Variants in WNK2 observed in about 807,000 individuals in gnomAD.
WNK2 encodes the protein serine/threonine-protein kinase WNK2.
WNK2 carries 67 observed loss-of-function variants against 192.1 expected under a neutral mutation model. The observed-to-expected ratio is 0.35, with a 90% CI of 0.29 to 0.43. The LOEUF is 0.43. Among genes scored for constraint, WNK2 ranks in the 20% least tolerant of loss-of-function variants. The probability of loss-of-function intolerance (pLI) is 1.00; values close to 1 mark genes in which losing one functional copy is unlikely to be tolerated. For missense variants in WNK2, 2,698 were observed against 3,089.7 expected (o/e 0.87, Z 3.01); for synonymous variants, 1,439 against 1,393.9 (o/e 1.03, Z -0.72).
chr9:93,231,147 G>A (rs7032194), intron 4 of WNK2, 39 bp downstream of exon 4: 5 of 1,590,038 alleles, frequency 3.1e-6, no homozygotes, highest in East Asian at 4.5e-5. Context: ...TGGAGCCCAT[G>A]AGAAGCTGGG....
intron 2 of WNK2, among the ~76,000 whole-genome samples, chr9:93,196,033 G>A (rs2131113108): frequency 6.6e-6 from 1 of 152,318 alleles, no homozygotes; most frequent in African/African-American, 2.4e-5. Flanking sequence ...AGGCATTGCT[G>A]TTGAGGAACT....
intron 7 of WNK2, among the ~76,000 whole-genome samples, chr9:93,241,422 G>T (rs1016906413): frequency 9.9e-5 from 15 of 152,206 alleles, no homozygotes; most frequent in African/African-American, 3.6e-4. Flanking sequence ...GACCACAGAG[G>T]TGCTCGCTGT....
At chr9:93,219,471 C>G (rs577020006) in intron 2 of WNK2, among the ~76,000 whole-genome samples, 1 of 152,362 alleles carries the variant, frequency 6.6e-6, no homozygotes, top group South Asian at 2.1e-4. Flanking sequence ...TTCCCTTTCC[C>G]CTCAGAGACC....
intron 19 of WNK2, chr9:93,268,999 T>G: frequency 6.7e-7 from 1 of 1,491,820 alleles, no homozygotes; most frequent in Non-Finnish European, 9.1e-7. Flanking sequence ...CGCATGGCCA[T>G]ATAGGTGTGT....
intron 2 of WNK2, among the ~76,000 whole-genome samples, chr9:93,190,222 T>C (rs974627182): frequency 6.6e-6 from 1 of 152,034 alleles, no homozygotes; most frequent in African/African-American, 2.4e-5. Context: ...GGGGCAGAAA[T>C]GTGGGCGCCA....
intron 2 of WNK2, among the ~76,000 whole-genome samples, chr9:93,201,762 C>T (rs1018982942): frequency 2.6e-5 from 4 of 152,202 alleles, no homozygotes; most frequent in African/African-American, 7.2e-5. Context: ...AATGGCCTGT[C>T]AGCCTCTGTA....
chr9:93,312,054 C>A (rs940571190), intron 28 of WNK2, among the ~76,000 whole-genome samples: 1 of 152,150 alleles, frequency 6.6e-6, no homozygotes, highest in Non-Finnish European at 1.5e-5. Flanking sequence ...TTGGCTGTTT[C>A]TATGTCTTCC....
intron 26 of WNK2, among the ~76,000 whole-genome samples, chr9:93,306,214 C>T (rs1011387461): frequency 2.0e-5 from 3 of 152,186 alleles, no homozygotes; most frequent in Non-Finnish European, 4.4e-5. Flanking sequence ...TAGAAACCCT[C>T]GAGTCCCCTA....
At chr9:93,297,100 T>G (rs554516788) in intron 23 of WNK2, among the ~76,000 whole-genome samples, 1 of 130,600 alleles carries the variant, frequency 7.7e-6, no homozygotes, top group Non-Finnish European at 1.6e-5. Flanking sequence ...TCCCCTCGGC[T>G]TCCTCCCCTT....
At chr9:93,319,410 T>G (rs1855241378) in intron 29 of WNK2, 11 of 985,346 alleles carry the variant, frequency 1.1e-5, no homozygotes, top group Non-Finnish European at 1.3e-5. Flanking sequence ...CAGGGCTGCC[T>G]GGCCCCCAAC....
chr9:93,259,104 A>G lies in WNK2; in HGVS notation c.2556A>G (p.Pro852=). ...SLAAPLPPAS[P]ALPLQAVKLP... ...CTGCCCCACTCCCCCCTGCGTCCCC[A>G]GCCTTGCCTCTGCAGGCTGTGAAGC... The change falls in exon 12 of 30, where the codon CCA becomes CCG. Residue 852 remains proline, a synonymous_variant. Coordinates refer to ENST00000427277, the MANE Select transcript of WNK2 (RefSeq NM_006648.4). The surrounding 1 kb of genome is among the most constrained non-coding windows in gnomAD (Gnocchi z 4.8). The G allele has an allele frequency of 6.3e-7, 1 of 1,598,602 alleles. No individual in the cohort carries two copies.
intron 28 of WNK2, among the ~76,000 whole-genome samples, chr9:93,313,878 A>G (rs554594995): frequency 1.3e-5 from 2 of 152,322 alleles, no homozygotes; most frequent in East Asian, 3.9e-4. Flanking sequence ...CTGTAATCCC[A>G]GCACTTAGGG....
chr9:93,277,886 G>A (rs1588390824), intron 19 of WNK2, among the ~76,000 whole-genome samples: 1 of 152,136 alleles, frequency 6.6e-6, no homozygotes, highest in East Asian at 1.9e-4. Context: ...TGACCAGGCA[G>A]ATAATGAGAC....
intron 16 of WNK2, among the ~76,000 whole-genome samples, chr9:93,265,901 G>T (rs1279480007): frequency 2.0e-5 from 3 of 152,216 alleles, no homozygotes; most frequent in Admixed American, 6.5e-5. Context: ...AAGCAATGGG[G>T]CTATCTTTAG....
intron 19 of WNK2, among the ~76,000 whole-genome samples, chr9:93,288,000 T>G (rs1848698700): frequency 6.6e-6 from 1 of 152,062 alleles, no homozygotes; most frequent in Admixed American, 6.5e-5. Flanking sequence ...GAGGCGAGAT[T>G]GCACCACTGC....
intron 26 of WNK2, among the ~76,000 whole-genome samples, chr9:93,301,624 G>A (rs1851630482): frequency 6.6e-6 from 1 of 152,150 alleles, no homozygotes; most frequent in Non-Finnish European, 1.5e-5. Context: ...TATGGCAGCC[G>A]GCTGTGGTTC....
At chr9:93,303,399 G>A (rs964230159) in intron 26 of WNK2, among the ~76,000 whole-genome samples, 1 of 152,188 alleles carries the variant, frequency 6.6e-6, no homozygotes, top group African/African-American at 2.4e-5. Context: ...TCTGCACGCT[G>A]GTATCTCTTT....
At chr9:93,227,676 A>AT (rs1300647388) in intron 2 of WNK2, among the ~76,000 whole-genome samples, 3 of 151,916 alleles carry the variant, frequency 2.0e-5, no homozygotes, top group Non-Finnish European at 2.9e-5. Flanking sequence ...ATAAATAACC[A>AT]TTTTTTTGGA....
chr9:93,245,293 ACCGTCAATC>A (rs1841494655), intron 7 of WNK2, among the ~76,000 whole-genome samples: 1 of 152,166 alleles, frequency 6.6e-6, no homozygotes, highest in Non-Finnish European at 1.5e-5. Flanking sequence ...ATCCGGAAAT[ACCGTCAATC>A]CTCAGGCCCA....
Sources: gnomAD v4.1 joint callset for allele counts (sites outside exome capture counted in the v4.1 genomes callset) on GRCh38, gnomAD v4.1.1 for gene constraint, Gnocchi (gnomAD v3.1) non-coding constraint, MANE v1.5 for transcripts, NCBI Gene and HGNC (gene_info 2026-07-23, HGNC 2026-07-21) for gene names.